Variants in MSL1 observed in about 807,000 individuals in gnomAD.
MSL1 encodes the protein MSL complex subunit 1.
MSL1 carries 21 observed loss-of-function variants against 64.6 expected under a neutral mutation model. That is an observed-to-expected ratio of 0.33 (90% CI 0.23 to 0.47). MSL1 has a LOEUF of 0.47. Among genes scored for constraint, MSL1 ranks in the 20% least tolerant of loss-of-function variants. The probability of loss-of-function intolerance (pLI) is 1.00; values close to 1 mark genes in which losing one functional copy is unlikely to be tolerated. For missense variants in MSL1, 664 were observed against 793.2 expected, an observed-to-expected ratio of 0.84 and a Z score of 1.96; for synonymous variants, 339 against 329.6, an observed-to-expected ratio of 1.03 and a Z score of -0.31.
At chr17:40,123,515 G>A (rs1179579089) in intron 1 of MSL1, 135 bp downstream of exon 1, 4 of 788,178 alleles carry the variant, frequency 5.1e-6, no homozygotes, top group East Asian at 5.5e-5. Context: ...GAGTATCTTA[G>A]GCGCTGGGTC....
In MSL1 at chr17:40,136,865, A is replaced by G. The variant is rs1693882853; in HGVS notation, c.*2496A>G. On this transcript the variant is annotated 3_prime_UTR_variant, in exon 9 of 9. Transcript: ENST00000398532. The stretch of plus-strand genomic sequence containing the variant: ...CTGCTTGTATATTTGAAACATTGGA[A>G]AAAGAAATCCATTTTCTCAATAAAA... The G allele has an allele frequency of 6.6e-6, 1 of 152,376 alleles. No homozygotes were observed. The allele number at this position is 152,376 out of a possible 1,614,324, so 9.4% of individuals were successfully genotyped here. A position where few individuals can be genotyped will look rare whatever the true frequency, so the allele number is the denominator to read the frequency against.
At position 40,122,953 on chromosome 17, in the gene MSL1, T is replaced by C. The variant is rs750006026; in HGVS notation, c.341T>C (p.Ile114Thr). Residue 114 changes from isoleucine (I) to threonine (T), a missense_variant, in exon 1 of 9, where the codon ATT becomes ACT. Transcript: ENST00000398532. The surrounding 1 kb of genome is among the most constrained non-coding windows in gnomAD (Gnocchi z 4.2). ...CPPPATKQAGIGGEPAAAGAG... is the reference protein window; with the variant it reads ...CPPPATKQAGTGGEPAAAGAG... ...CCCCCGGCCACCAAGCAAGCCGGCA[T>C]TGGGGGGGAGCCTGCCGCAGCCGGA... 38 of 1,525,020 alleles carry C rather than the reference T, an allele frequency of 2.5e-5. No individual in the cohort carries two copies. Among genetic ancestry groups the C allele is most frequent in the Middle Eastern group, 1.8e-4 (1 of 5,648 alleles). 94.5% of individuals were successfully genotyped at this position (1,525,020 alleles called of 1,614,324 possible).
At chr17:40,133,387 A>G in intron 6 of MSL1, 147 bp from the exon 7 acceptor site, 1 of 1,037,532 alleles carries the variant, frequency 9.6e-7, no homozygotes, top group South Asian at 1.7e-5. Flanking sequence ...CTCTCCCTTA[A>G]CAAGGCAGTC....
chr17:40,129,378 GT>G lies in MSL1; in HGVS notation c.1129del (p.Cys377ValfsTer5), dbSNP rs750952488. On this transcript the variant is annotated frameshift_variant, in exon 3 of 9. Coordinates refer to ENST00000398532, the MANE Select transcript of MSL1 (RefSeq NM_001365919.1). LOFTEE classifies it high-confidence loss of function. The stretch of plus-strand genomic sequence containing the variant: ...ACCCTGTGGTTCCTTATCTGAAACT[GT>G]TTGTAAACGTGAATTGAGGAGCCAA... Reference protein sequence around the residue: ...EEPCGSLSETVCKRELRSQET... With the variant: ...EEPCGSLSETXCKRELRSQET... 6.2e-7 allele frequency: 1 copy of G among 1,613,600 alleles called. No individual in the cohort carries two copies. Among genetic ancestry groups the G allele is most frequent in the African/African-American group, 1.3e-5 (1 of 74,840 alleles).
At position 40,131,624 on chromosome 17, in the gene MSL1, GGGGTTGGT is replaced by G; in HGVS notation, c.1423+44_1423+51del. ...AATTGTGCTGGCTGGGCCTGGGGTG[GGGGTTGGT>G]GGGATGGTGGATGGTTGGGAGCTGC... On this transcript the variant is annotated intron_variant, in intron 4 of 8. Transcript: ENST00000398532. The surrounding 1 kb of genome is among the most constrained non-coding windows in gnomAD (Gnocchi z 4.5). 6.3e-7 allele frequency: 1 copy of G among 1,587,702 alleles called. No homozygotes were observed. Among genetic ancestry groups the G allele is most frequent in the Non-Finnish European group, 8.7e-7 (1 of 1,156,008 alleles).
chr17:40,129,440 C>A lies in MSL1; in HGVS notation c.1188C>A (p.Thr396=), dbSNP rs143879261. The A allele has an allele frequency of 0.021, 33,709 of 1,612,986 alleles. 409 individuals are homozygous for A. Among genetic ancestry groups the A allele is most frequent in the Non-Finnish European group, 0.025 (29,501 of 1,179,614 alleles). ...TPEKPRSSVD[T]PPRLSTPQKG... The stretch of plus-strand genomic sequence containing the variant: ...AAAAGCCCCGGTCTTCAGTGGACAC[C>A]CCACCAAGACTCTCCACTCCCCAAA... Residue 396 remains threonine (T), a synonymous_variant, in exon 3 of 9, where the codon ACC becomes ACA. Coordinates refer to ENST00000398532, the MANE Select transcript of MSL1 (RefSeq NM_001365919.1).
chr17:40,131,395 CAG>C lies in MSL1; in HGVS notation c.1376-136_1376-135del, dbSNP rs932777155. 7.4e-6 allele frequency: 5 copies of C among 675,966 alleles called. No homozygotes were observed. Among genetic ancestry groups the C allele is most frequent in the African/African-American group, 7.2e-5 (4 of 55,734 alleles). The allele number at this position is 675,966 out of a possible 1,614,324, so 41.9% of individuals were successfully genotyped here. A position where few individuals can be genotyped will look rare whatever the true frequency, so the allele number is the denominator to read the frequency against. On this transcript the variant is annotated intron_variant, in intron 3 of 8. Coordinates refer to ENST00000398532, the MANE Select transcript of MSL1 (RefSeq NM_001365919.1). The surrounding 1 kb of genome is among the most constrained non-coding windows in gnomAD (Gnocchi z 4.5). ...TCTGTTGTTCCCTCTTCCCCTCCCC[CAG>C]AGAGAAATTCTCAAAAGAACAACTC... is the stretch of plus-strand genomic sequence containing the variant.
intron 2 of MSL1, among the ~76,000 whole-genome samples, chr17:40,127,707 T>G (rs546192603): frequency 1.5e-4 from 23 of 152,352 alleles, no homozygotes; most frequent in Admixed American, 2.6e-4. Flanking sequence ...CTCAAACTCC[T>G]GGGCTCAAGT....
intron 2 of MSL1, among the ~76,000 whole-genome samples, chr17:40,127,397 C>G (rs1023928662): frequency 6.6e-6 from 1 of 150,726 alleles, no homozygotes; most frequent in Admixed American, 6.6e-5. Context: ...GAAATTAGCC[C>G]AACTGTAAGG....
chr17:40,134,128 C>A, intron 8 of MSL1, 151 bp from the exon 9 acceptor site: 1 of 701,358 alleles, frequency 1.4e-6, no homozygotes, highest in Non-Finnish European at 2.5e-6. Flanking sequence ...TAATGGTACA[C>A]AGTTGCTCTG....
At chr17:40,124,173 G>A (rs1261771804) in intron 1 of MSL1, among the ~76,000 whole-genome samples, 1 of 152,162 alleles carries the variant, frequency 6.6e-6, no homozygotes, top group Non-Finnish European at 1.5e-5. Context: ...TACTGCAGCA[G>A]TAGTTAAGGG....
rs754835717 is a variant in MSL1 at position 40,123,085 on chromosome 17, G to T, written c.473G>T (p.Gly158Val). 2.7e-4 allele frequency: 415 copies of T among 1,530,020 alleles called. 2 individuals are homozygous for T. The highest frequency in any genetic ancestry group is 7.4e-5 in the Non-Finnish European group (85 of 1,144,586). 94.8% of individuals were successfully genotyped at this position (1,530,020 alleles called of 1,614,324 possible). ...EPTPWAGDKG[G>V]AASPAATASD... ...ACGCCCTGGGCTGGGGACAAGGGTGGGGCGGCCTCCCCCGCTGCCACCGCC... is the reference window on the plus strand; with the variant it reads ...ACGCCCTGGGCTGGGGACAAGGGTGTGGCGGCCTCCCCCGCTGCCACCGCC... The change falls in exon 1 of 9, where the codon GGG (glycine) becomes GTG (valine). Residue 158 changes from glycine to valine, a missense_variant. By Grantham distance (109) the Gly-to-Val change is moderately radical. Coordinates refer to ENST00000398532, the MANE Select transcript of MSL1 (RefSeq NM_001365919.1).
At chr17:40,129,190 T>A in intron 2 of MSL1, 55 bp from the exon 3 acceptor site, 2 of 1,399,774 alleles carry the variant, frequency 1.4e-6, no homozygotes, top group Non-Finnish European at 1.9e-6. Flanking sequence ...GTGTTCAAAT[T>A]AGATTTTATT....
At chr17:40,125,901 C>T (rs1212943735) in intron 1 of MSL1, among the ~76,000 whole-genome samples, 6 of 152,246 alleles carry the variant, frequency 3.9e-5, no homozygotes, top group Non-Finnish European at 4.4e-5. Context: ...AGGCATGTTA[C>T]GGCCCTTCCC....
At chr17:40,123,432 C>A in intron 1 of MSL1, 52 bp downstream of exon 1, 1 of 1,516,142 alleles carries the variant, frequency 6.6e-7, no homozygotes, top group Non-Finnish European at 8.8e-7. Flanking sequence ...TGTGCGCATG[C>A]TCGGGGGAAG....
rs1988532511 is a variant in MSL1, at chr17:40,135,968, C to T, written c.*1599C>T. On this transcript the variant is annotated 3_prime_UTR_variant, in exon 9 of 9. Transcript: ENST00000398532. ...AGCAAGGATGTAGAGAGAAATAGGA[C>T]TTAATTCCACTAGGGGCTCTCATCT... 1 of 152,208 alleles carries T rather than the reference C, an allele frequency of 6.6e-6. No individual in the cohort carries two copies. The highest frequency in any genetic ancestry group is 1.5e-5 in the Non-Finnish European group (1 of 68,020). The allele number at this position is 152,208 out of a possible 1,614,324, so 9.4% of individuals were successfully genotyped here.
chr17:40,126,348 T>A lies in MSL1; in HGVS notation c.934T>A (p.Ser312Thr). ...LECQPELSET[S>T]QTLPPKPFSC... ...GTGCCAGCCGGAGCTTTCCGAGACATCCCAGACTCTGCCTCCCAAGCCCTT... is the reference window on the plus strand; with the variant it reads ...GTGCCAGCCGGAGCTTTCCGAGACAACCCAGACTCTGCCTCCCAAGCCCTT... Residue 312 changes from serine (S) to threonine (T), a missense_variant, in exon 2 of 9, where the codon TCC becomes ACC. By Grantham distance (58) the Ser-to-Thr change is moderately conservative (BLOSUM62 1). Coordinates refer to ENST00000398532, the MANE Select transcript of MSL1 (RefSeq NM_001365919.1). 6.2e-7 allele frequency: 1 copy of A among 1,613,888 alleles called. No individual in the cohort carries two copies.
Position 40,136,233 on chromosome 17 carries a change from A to C in MSL1, c.*1864A>C, listed in dbSNP as rs1242063969. The C allele has an allele frequency of 2.0e-5, 3 of 152,274 alleles. No homozygotes were observed. Among genetic ancestry groups the C allele is most frequent in the Non-Finnish European group, 2.9e-5 (2 of 68,022 alleles). 9.4% of individuals were successfully genotyped at this position (152,274 alleles called of 1,614,324 possible). A position where few individuals can be genotyped will look rare whatever the true frequency, so the allele number is the denominator to read the frequency against. On this transcript the variant is annotated 3_prime_UTR_variant, in exon 9 of 9. Transcript: ENST00000398532. Reference sequence around the variant, plus strand: ...TTTTGGGTATGAGTTAGCAAATTTAACCATTGTGTTTGTGCCCTACCCAGG... The same window carrying C: ...TTTTGGGTATGAGTTAGCAAATTTACCCATTGTGTTTGTGCCCTACCCAGG...
Position 40,133,848 on chromosome 17 carries a change from C to T in MSL1, c.1703C>T (p.Pro568Leu). The T allele has an allele frequency of 2.5e-6, 4 of 1,614,016 alleles. No homozygotes were observed. The highest frequency in any genetic ancestry group is 1.1e-5 in the South Asian group (1 of 91,078). The change falls in exon 8 of 9, where the codon CCC becomes CTC. Residue 568 changes from proline (P) to leucine (L), a missense_variant. Pro to Leu is a moderately conservative substitution (Grantham distance 98, BLOSUM62 -3). Around this residue, in one of 4 missense-constraint regions of MSL1, gnomAD observed 76 missense variants for 98.5 expected, o/e 0.77. Transcript: ENST00000398532. ...ATAGTTGAAAGTTTGATGATTACCC[C>T]CTTCTTGCCTGTTGTAGCATTTGGA... ...PDDVESLMIT[P>L]FLPVVAFGRP...
Sources: gnomAD v4.1 joint callset for allele counts (sites outside exome capture counted in the v4.1 genomes callset) on GRCh38, gnomAD v4.1.1 for gene constraint, gnomAD v4.1.1 regional missense constraint, Gnocchi (gnomAD v3.1) non-coding constraint, MANE v1.5 for transcripts, NCBI Gene and HGNC (gene_info 2026-07-23, HGNC 2026-07-21) for gene names.